KLRB1: variants seen among roughly 807,000 people sequenced by gnomAD.
KLRB1 encodes killer cell lectin like receptor B1.
In KLRB1, 27 loss-of-function variants were observed where a neutral mutation model predicts 33.5. The observed-to-expected ratio is 0.81, with a 90% CI of 0.59 to 1.11. The LOEUF (loss-of-function observed/expected upper bound fraction) is 1.11. KLRB1 is among the 50% of genes most tolerant of loss of function. The pLI is 0.00. For synonymous variants in KLRB1, 64 were observed against 88.9 expected (o/e 0.72, Z 1.58); for missense variants, 241 against 254.1 (o/e 0.95, Z 0.35).
intron 5 of KLRB1, 85 bp downstream of exon 5, chr12:9,597,961 T>C: frequency 1.5e-6 from 1 of 683,396 alleles, no homozygotes; most frequent in Non-Finnish European, 2.5e-6. Context: ...AAATTAAAAC[T>C]ACAAAACTCA....
intron 1 of KLRB1, 81 bp downstream of exon 1, chr12:9,607,674 T>C (rs1353385320): frequency 1.1e-6 from 1 of 944,434 alleles, no homozygotes; most frequent in Non-Finnish European, 1.7e-6. Flanking sequence ...TTTAAAGCAA[T>C]GATTTAAAGC....
At chr12:9,607,335 C>CCTTCCTTCCTGCCTGCCTTCCTTTCTTT (rs1864621978) in intron 1 of KLRB1, among the ~76,000 whole-genome samples, 12 of 65,244 alleles carry the variant, frequency 1.8e-4, no homozygotes, top group Middle Eastern at 7.5e-3. Context: ...CTCTTTCTTT[C>CCTTCCTTCCTGCCTGCCTTCCTTTCTTT]CTTTCTTTCT....
chr12:9,596,805 A>G (rs1864496268), intron 5 of KLRB1, among the ~76,000 whole-genome samples: 1 of 152,208 alleles, frequency 6.6e-6, no homozygotes, highest in African/African-American at 2.4e-5. Flanking sequence ...TACTTAATAA[A>G]TGCTAATTCA....
intron 1 of KLRB1, among the ~76,000 whole-genome samples, chr12:9,607,250 C>CTCTTTTTCTTTCTT (rs143271674): frequency 0.79 from 96,120 of 122,158 alleles, 37,442 homozygotes; most frequent in Admixed American, 0.85. Context: ...CTTCCTCCTT[C>CTCTTTTTCTTTCTT]TCTTTTTCTT....
intron 1 of KLRB1, among the ~76,000 whole-genome samples, chr12:9,605,163 G>T (rs1864586000): frequency 6.6e-6 from 1 of 152,192 alleles, no homozygotes; most frequent in African/African-American, 2.4e-5. Context: ...CAAAGGACAT[G>T]AAATCATCCT....
At chr12:9,604,378 C>G (rs1176992626) in intron 1 of KLRB1, among the ~76,000 whole-genome samples, 1 of 149,164 alleles carries the variant, frequency 6.7e-6, no homozygotes, top group African/African-American at 2.5e-5. Flanking sequence ...GCGCCCACTT[C>G]TGTTGGATGT....
intron 1 of KLRB1, among the ~76,000 whole-genome samples, chr12:9,607,383 T>TCTTTCTTTCTTTCTTC: frequency 9.2e-6 from 1 of 108,436 alleles, no homozygotes; most frequent in Non-Finnish European, 2.1e-5. Context: ...TTTCTTTCTT[T>TCTTTCTTTCTTTCTTC]CTTTCTTTCT....
chr12:9,598,193 C>T (rs1864508829), intron 4 of KLRB1, 32 bp from the exon 5 acceptor site: 2 of 1,358,680 alleles, frequency 1.5e-6, no homozygotes, highest in South Asian at 1.2e-5. Flanking sequence ...ATTGAATCTG[C>T]TTATCTATTC....
chr12:9,607,736 GA>G lies in KLRB1; in HGVS notation c.85+18del. On this transcript the variant is annotated intron_variant, in intron 1 of 5. Transcript: ENST00000229402. Reference sequence around the variant, plus strand: ...CTGGAAGACATACAAATGCCGAAAGGAAAATTAAAGCCACTTACCCCGAGGA... The same window carrying G: ...CTGGAAGACATACAAATGCCGAAAGGAAATTAAAGCCACTTACCCCGAGGA... The G allele has an allele frequency of 6.4e-7, 1 of 1,551,286 alleles. No individual in the cohort carries two copies. The highest frequency in any genetic ancestry group is 1.1e-5 in the South Asian group (1 of 89,666).
chr12:9,602,741 T>A (rs867272786), intron 1 of KLRB1, among the ~76,000 whole-genome samples: 13 of 152,350 alleles, frequency 8.5e-5, no homozygotes, highest in African/African-American at 3.1e-4. Flanking sequence ...TTATTTTTTC[T>A]AATATTATTC....
Position 9,595,214 on chromosome 12 carries a change from T to G in KLRB1, c.*60A>C. 2 of 1,468,744 alleles carry G rather than the reference T, an allele frequency of 1.4e-6. No individual in the cohort carries two copies. The highest frequency in any genetic ancestry group is 2.3e-5 in the East Asian group (1 of 43,952). 91.0% of individuals were successfully genotyped at this position (1,468,744 alleles called of 1,614,324 possible). A position where few individuals can be genotyped will look rare whatever the true frequency, so the allele number is the denominator to read the frequency against. ...ACTATTAGGTAGTACCAATAGTATG[T>G]GCAGCTACAAGTACAGAGATCAGTA... On this transcript the variant is annotated 3_prime_UTR_variant, in exon 6 of 6. Transcript: ENST00000229402.
At chr12:9,597,912 T>G in intron 5 of KLRB1, 134 bp downstream of exon 5, 1 of 562,536 alleles carries the variant, frequency 1.8e-6, no homozygotes, top group Non-Finnish European at 3.1e-6. Flanking sequence ...AAATCATCCA[T>G]GTTCTTAGCC....
chr12:9,601,499 A>C lies in KLRB1; in HGVS notation c.184+2T>G. On this transcript the variant is annotated splice_donor_variant, in intron 2 of 5. Coordinates refer to ENST00000229402, the MANE Select transcript of KLRB1 (RefSeq NM_002258.3). LOFTEE classifies it high-confidence loss of function. ...TGAAACAGATGATGGTGCCCCACTTACCTGAAACACTCAACCCAGTAACAA... is the reference window on the plus strand; with the variant it reads ...TGAAACAGATGATGGTGCCCCACTTCCCTGAAACACTCAACCCAGTAACAA... The C allele has an allele frequency of 6.2e-7, 1 of 1,601,854 alleles. No individual in the cohort carries two copies. Among genetic ancestry groups the C allele is most frequent in the Non-Finnish European group, 8.6e-7 (1 of 1,168,920 alleles).
At chr12:9,607,300 C>CT (rs1864618080) in intron 1 of KLRB1, among the ~76,000 whole-genome samples, 2 of 74,818 alleles carry the variant, frequency 2.7e-5, no homozygotes, top group African/African-American at 1.3e-4. Context: ...TTCTTTCTCT[C>CT]CTTTCTTTCT....
intron 1 of KLRB1, 139 bp from the exon 2 acceptor site, chr12:9,601,738 G>T: frequency 1.6e-6 from 1 of 621,990 alleles, no homozygotes; most frequent in Non-Finnish European, 2.9e-6. Context: ...GGGGGATGGG[G>T]GCAGGGAACA....
chr12:9,599,619 T>A, intron 3 of KLRB1, 148 bp downstream of exon 3: 1 of 662,684 alleles, frequency 1.5e-6, no homozygotes, highest in Non-Finnish European at 2.7e-6. Flanking sequence ...AGTTGTTGAA[T>A]CTTTTTATGT....
chr12:9,595,511 G>A, intron 5 of KLRB1, 90 bp from the exon 6 acceptor site: 1 of 1,176,758 alleles, frequency 8.5e-7, no homozygotes, highest in Non-Finnish European at 1.2e-6. Flanking sequence ...CTCTCAGGAA[G>A]CAGTAGAATG....
chr12:9,599,757 A>G lies in KLRB1; in HGVS notation c.259+10T>C. On this transcript the variant is annotated intron_variant, in intron 3 of 5. Transcript: ENST00000229402. ...CAGTTATTCTTAGGAAATTGAAGCC[A>G]CACAATTACCTGTTGTTTTATTCCT... is the stretch of plus-strand genomic sequence containing the variant. The G allele has an allele frequency of 6.4e-7, 1 of 1,552,622 alleles. No homozygotes were observed. Among genetic ancestry groups the G allele is most frequent in the Non-Finnish European group, 8.9e-7 (1 of 1,124,370 alleles).
In KLRB1 at chr12:9,606,750, ATATATATATAT is replaced by A. The variant is rs1166449128; in HGVS notation, c.85+994_85+1004del. Among the ~76,000 whole-genome samples the A allele has an allele frequency of 1.2e-3, 35 of 28,924 alleles. 1 individual carries two copies. Among genetic ancestry groups the A allele is most frequent in the African/African-American group, 3.9e-3 (28 of 7,262 alleles). 19.0% of individuals were successfully genotyped at this position (28,924 alleles called of 152,430 possible). On this transcript the variant is annotated intron_variant, in intron 1 of 5. Coordinates refer to ENST00000229402, the MANE Select transcript of KLRB1 (RefSeq NM_002258.3). ...GTATAAAAAGTATATATATATATAT[ATATATATATAT>A]TTTTTTTTTTTTTTTGAGATAGTCT...
Sources: allele counts gnomAD v4.1 joint callset (sites outside exome capture counted in the v4.1 genomes callset), GRCh38; gene constraint gnomAD v4.1.1; transcripts MANE v1.5; gene names NCBI Gene and HGNC (gene_info 2026-07-23, HGNC 2026-07-21).